The following KMT2C variants were observed in gnomAD, a reference collection of about 807,000 sequenced individuals.
The protein encoded by KMT2C is histone-lysine N-methyltransferase 2C.
In KMT2C, 88 loss-of-function variants were observed where a neutral mutation model predicts 507.9. That is an observed-to-expected ratio of 0.17 (90% CI 0.15 to 0.21). The LOEUF (loss-of-function observed/expected upper bound fraction) is 0.21, where lower values mean the gene tolerates loss of function less well. Among genes scored for constraint, KMT2C ranks in the 10% least tolerant of loss-of-function variants. The pLI is 1.00. For missense variants in KMT2C, 4,954 were observed against 5,957.8 expected (o/e 0.83, Z 5.55); for synonymous variants, 2,049 against 2,080.8 (o/e 0.98, Z 0.42).
In KMT2C at chr7:152,148,574, C is replaced by T; in HGVS notation, c.13353G>A (p.Glu4451=). The part of the protein sequence containing the change: ...ETQAGALINV[E]LALRRGLQMK... ...TTTGTAGGCCTCTCCTCAGAGCTAG[C>T]TCCACATTTATTAAGGCACCAGCCT... is the stretch of plus-strand genomic sequence containing the variant. The change falls in exon 52 of 59, where the codon GAG becomes GAA. Residue 4451 remains glutamate (E), a synonymous_variant. Coordinates refer to ENST00000262189, the MANE Select transcript of KMT2C (RefSeq NM_170606.3). The surrounding 1 kb of genome is among the most constrained non-coding windows in gnomAD (Gnocchi z 7.1). 1.9e-6 allele frequency: 3 copies of T among 1,614,204 alleles called. No individual in the cohort carries two copies. The highest frequency in any genetic ancestry group is 2.5e-6 in the Non-Finnish European group (3 of 1,180,034).
intron 7 of KMT2C, among the ~76,000 whole-genome samples, chr7:152,272,167 G>T (rs969527975): frequency 2.0e-5 from 3 of 152,028 alleles, no homozygotes; most frequent in African/African-American, 7.3e-5. Flanking sequence ...GCTTTATGTT[G>T]CCATAAACCT....
intron 6 of KMT2C, among the ~76,000 whole-genome samples, chr7:152,285,027 A>G (rs1231895637): frequency 6.6e-6 from 1 of 152,254 alleles, no homozygotes; most frequent in Non-Finnish European, 1.5e-5. Flanking sequence ...TATATTTCCA[A>G]CAAGTCAGAA....
At chr7:152,387,416 A>C (rs1390130893) in intron 1 of KMT2C, among the ~76,000 whole-genome samples, 7 of 143,502 alleles carry the variant, frequency 4.9e-5, no homozygotes, top group Non-Finnish European at 8.9e-5. Context: ...TGTATAACAT[A>C]TACTAGTATG....
Position 152,152,149 on chromosome 7 carries a change from TG to T in KMT2C, c.12526+555del, listed in dbSNP as rs1249435235. Among the ~76,000 whole-genome samples the T allele has an allele frequency of 3.3e-5, 5 of 152,326 alleles. No homozygotes were observed. In the East Asian group the frequency reaches 9.6e-4, roughly 29 times the overall value. On this transcript the variant is annotated intron_variant, in intron 49 of 58. Transcript: ENST00000262189. ...AAGAGGAGGAAGCCAGGGCCTGGAC[TG>T]AGCACGCCTGTAAGATTGCCAGTGA...
chr7:152,400,728 C>A (rs1413554725), intron 1 of KMT2C, among the ~76,000 whole-genome samples: 1 of 152,154 alleles, frequency 6.6e-6, no homozygotes, highest in Non-Finnish European at 1.5e-5. Flanking sequence ...TGTGGGTGTA[C>A]TGCATTAAAA....
intron 3 of KMT2C, among the ~76,000 whole-genome samples, chr7:152,327,431 C>T (rs180827006): frequency 3.3e-5 from 5 of 152,176 alleles, no homozygotes; most frequent in East Asian, 1.9e-4. Flanking sequence ...AATGGGTTCC[C>T]GAAGTAGGCC....
At chr7:152,333,841 C>T (rs1259425389) in intron 2 of KMT2C, among the ~76,000 whole-genome samples, 1 of 151,892 alleles carries the variant, frequency 6.6e-6, no homozygotes, top group Non-Finnish European at 1.5e-5. Context: ...TGTTTCTTTT[C>T]TTTTTTAAAA....
intron 2 of KMT2C, among the ~76,000 whole-genome samples, chr7:152,346,866 C>T (rs780298181): frequency 1.3e-5 from 2 of 152,334 alleles, no homozygotes; most frequent in East Asian, 1.9e-4. Flanking sequence ...GTGGCTCACA[C>T]CTGTAATCCC....
chr7:152,385,056 G>A (rs1256763730), intron 1 of KMT2C, among the ~76,000 whole-genome samples: 2 of 152,084 alleles, frequency 1.3e-5, no homozygotes, highest in Admixed American at 1.3e-4. Flanking sequence ...ATAAGAAGCA[G>A]TCTTATAAAA....
In KMT2C at chr7:152,435,829, G is replaced by A. The variant is rs2116822398; in HGVS notation, c.-43C>T. Reference sequence around the variant, plus strand: ...ACACATGGATCCCGGTCCTCCTCCTGGGGGGCTCCCGCCGCCGCGGCCGCC... The same window carrying A: ...ACACATGGATCCCGGTCCTCCTCCTAGGGGGCTCCCGCCGCCGCGGCCGCC... On this transcript the variant is annotated 5_prime_UTR_variant, in exon 1 of 59. Coordinates refer to ENST00000262189, the MANE Select transcript of KMT2C (RefSeq NM_170606.3). The A allele has an allele frequency of 7.4e-7, 1 of 1,356,392 alleles. No homozygotes were observed. Among genetic ancestry groups the A allele is most frequent in the East Asian group, 3.1e-5 (1 of 32,474 alleles). The allele number at this position is 1,356,392 out of a possible 1,614,324, so 84.0% of individuals were successfully genotyped here.
chr7:152,162,066 T>C, intron 43 of KMT2C, 51 bp downstream of exon 43: 1 of 1,489,066 alleles, frequency 6.7e-7, no homozygotes, highest in Non-Finnish European at 8.9e-7. Context: ...CTGCTGTAAG[T>C]ATAATTTAAA....
Position 152,187,830 on chromosome 7 carries a change from G to T in KMT2C, c.4678C>A (p.Pro1560Thr). Reference protein sequence around the residue: ...IHNQDAFSRMPLMNGLIGSSP... With the variant: ...IHNQDAFSRMTLMNGLIGSSP... The stretch of plus-strand genomic sequence containing the variant: ...GATCCAATAAGGCCATTCATGAGAG[G>T]CATCCGTGAAAAAGCATCTTCAGAG... The change falls in exon 32 of 59, where the codon CCT becomes ACT. Residue 1560 changes from proline to threonine, a missense_variant. By Grantham distance (38) the Pro-to-Thr change is conservative. Coordinates refer to ENST00000262189, the MANE Select transcript of KMT2C (RefSeq NM_170606.3). 1 of 1,606,560 alleles carries T rather than the reference G, an allele frequency of 6.2e-7. No individual in the cohort carries two copies. Among genetic ancestry groups the T allele is most frequent in the South Asian group, 1.1e-5 (1 of 90,238 alleles).
rs192077158 is a variant in KMT2C, at chr7:152,272,239, A to G, written c.1012+1466T>C. ...CACCTCAGTATTTATTATTTTACAA[A>G]CTGATTTATGATTGCTAACATGTAA... On this transcript the variant is annotated intron_variant, in intron 7 of 58. Coordinates refer to ENST00000262189, the MANE Select transcript of KMT2C (RefSeq NM_170606.3). Among the ~76,000 whole-genome samples the G allele has an allele frequency of 9.2e-5, 14 of 152,298 alleles. No homozygotes were observed. In the East Asian group the frequency reaches 2.7e-3, roughly 29 times the overall value.
chr7:152,430,512 G>A (rs912081092), intron 1 of KMT2C, among the ~76,000 whole-genome samples: 27 of 152,172 alleles, frequency 1.8e-4, no homozygotes, highest in African/African-American at 6.0e-4. Context: ...TCCCCACCAG[G>A]CAAGAGTGCA....
intron 31 of KMT2C, among the ~76,000 whole-genome samples, chr7:152,191,313 G>GCA (rs59473380): frequency 0.012 from 1,776 of 152,136 alleles, 36 homozygotes; most frequent in African/African-American, 0.041. Flanking sequence ...CCTTCTACCA[G>GCA]CACACACACT....
At chr7:152,175,524 G>T (rs2129111903) in intron 38 of KMT2C, among the ~76,000 whole-genome samples, 1 of 146,856 alleles carries the variant, frequency 6.8e-6, no homozygotes, top group African/African-American at 2.7e-5. Flanking sequence ...GTGTCCATGT[G>T]TTCTCACTGT....
At chr7:152,380,701 G>A (rs1304494780) in intron 1 of KMT2C, among the ~76,000 whole-genome samples, 12 of 152,222 alleles carry the variant, frequency 7.9e-5, no homozygotes, top group East Asian at 1.9e-4. Context: ...TTGTGCCACC[G>A]CACTCCTGCC....
At chr7:152,302,389 A>G (rs1490139510) in intron 6 of KMT2C, among the ~76,000 whole-genome samples, 1 of 151,684 alleles carries the variant, frequency 6.6e-6, no homozygotes, top group East Asian at 1.9e-4. Context: ...ATGCCAAGCT[A>G]ATTTTTGTAT....
chr7:152,399,747 A>G (rs971967074), intron 1 of KMT2C, among the ~76,000 whole-genome samples: 84 of 152,296 alleles, frequency 5.5e-4, no homozygotes, highest in African/African-American at 1.9e-3. Context: ...TAAAAAAAAA[A>G]TAAACCTTAT....
Sources: gnomAD v4.1 joint callset for allele counts (sites outside exome capture counted in the v4.1 genomes callset) on GRCh38, gnomAD v4.1.1 for gene constraint, Gnocchi (gnomAD v3.1) non-coding constraint, MANE v1.5 for transcripts, NCBI Gene and HGNC (gene_info 2026-07-23, HGNC 2026-07-21) for gene names.